MOK: variants seen among roughly 807,000 people sequenced by gnomAD.
MOK encodes MAPK/MAK/MRK overlapping kinase.
In MOK, 59 loss-of-function variants were observed where a neutral mutation model predicts 54.2. The observed-to-expected ratio is 1.09, with a 90% CI of 0.88 to 1.35. The LOEUF is 1.35. Among genes scored for constraint, MOK ranks in the 40% most tolerant of loss-of-function variants. The pLI, the probability that MOK is intolerant of heterozygous loss-of-function variation, is 0.00. For synonymous variants in MOK, 210 were observed against 202.7 expected, an observed-to-expected ratio of 1.04 and a Z score of -0.31; for missense variants, 517 against 526.2, an observed-to-expected ratio of 0.98 and a Z score of 0.17.
chr14:102,240,686 G>T lies in MOK; in HGVS notation c.591-6897C>A, dbSNP rs1183566671. On this transcript the variant is annotated intron_variant, in intron 7 of 11. Coordinates refer to ENST00000361847, the MANE Select transcript of MOK (RefSeq NM_014226.3). The surrounding 1 kb of genome is among the most constrained non-coding windows in gnomAD (Gnocchi z 5.4). ...CTGATTATTCACCCACACTCCATTGGTGTCTGATCACCGCGAGGATGCCTG... is the reference window on the plus strand; with the variant it reads ...CTGATTATTCACCCACACTCCATTGTTGTCTGATCACCGCGAGGATGCCTG... 1 of 151,950 alleles carries T rather than the reference G, an allele frequency of 6.6e-6. No homozygotes were observed. Among genetic ancestry groups the T allele is most frequent in the Non-Finnish European group, 1.5e-5 (1 of 67,974 alleles). 9.4% of individuals were successfully genotyped at this position (151,950 alleles called of 1,614,324 possible). A position where few individuals can be genotyped will look rare whatever the true frequency, so the allele number is the denominator to read the frequency against.
At chr14:102,265,574 T>A (rs1483317608) in intron 3 of MOK, among the ~76,000 whole-genome samples, 1 of 152,018 alleles carries the variant, frequency 6.6e-6, no homozygotes, top group Non-Finnish European at 1.5e-5. Context: ...GAGTTTGTTG[T>A]GAGCCAAGAT....
At chr14:102,290,802 A>C (rs1463011689) in intron 1 of MOK, among the ~76,000 whole-genome samples, 1 of 152,206 alleles carries the variant, frequency 6.6e-6, no homozygotes, top group African/African-American at 2.4e-5. Context: ...TACAGAGTTA[A>C]ATACGGCAAA....
At chr14:102,251,500 T>A in intron 6 of MOK, 1 of 564,646 alleles carries the variant, frequency 1.8e-6, no homozygotes, top group Non-Finnish European at 3.3e-6. Flanking sequence ...AACGGCCGTC[T>A]GAATAGGGTT....
rs1225258097 is a variant in MOK, at chr14:102,232,447, A to G, written c.866+88T>C. 1 of 1,437,170 alleles carries G rather than the reference A, an allele frequency of 7.0e-7. No homozygotes were observed. Among genetic ancestry groups the G allele is most frequent in the Non-Finnish European group, 9.4e-7 (1 of 1,059,746 alleles). 89.0% of individuals were successfully genotyped at this position (1,437,170 alleles called of 1,614,324 possible). A position where few individuals can be genotyped will look rare whatever the true frequency, so the allele number is the denominator to read the frequency against. On this transcript the variant is annotated intron_variant, in intron 9 of 11. Coordinates refer to ENST00000361847, the MANE Select transcript of MOK (RefSeq NM_014226.3). This position sits in a 1 kb window ranked among gnomAD's most constrained non-coding sequence, Gnocchi z 5.1. The stretch of plus-strand genomic sequence containing the variant: ...GATTCCCAAGAACCAGGGACCCTCC[A>G]GGGGGCAGTACCTTGCCCCACCATG...
Position 102,249,107 on chromosome 14 carries a change from C to T in MOK, c.590+1705G>A, listed in dbSNP as rs967970012. 1.3e-5 allele frequency among the ~76,000 whole-genome samples: 2 copies of T among 152,150 alleles called. No individual in the cohort carries two copies. Among genetic ancestry groups the T allele is most frequent in the Admixed American group, 6.5e-5 (1 of 15,274 alleles). On this transcript the variant is annotated intron_variant, in intron 7 of 11. Transcript: ENST00000361847. This position sits in a 1 kb window ranked among gnomAD's most constrained non-coding sequence, Gnocchi z 5.3. Reference sequence around the variant, plus strand: ...AGCCTGGCGTGTGCAGCGACCTTAGCTGCTGGGAGGCTCCACTCTCCCTTG... The same window carrying T: ...AGCCTGGCGTGTGCAGCGACCTTAGTTGCTGGGAGGCTCCACTCTCCCTTG...
At chr14:102,222,901 G>A (rs201857421), downstream of MOK, 486 of 1,613,952 alleles carry the variant, frequency 3.0e-4, 3 homozygotes, top group South Asian at 4.8e-3. This position sits in a 1 kb window ranked among gnomAD's most constrained non-coding sequence, Gnocchi z 4.4. Flanking sequence ...ACTGCTGCGC[G>A]CACAGTCTCC....
In MOK at chr14:102,305,001, C is replaced by A; in HGVS notation, c.-33G>T. Reference sequence around the variant, plus strand: ...GCGGAAGCCGGTGACAACCCCTTGCCGACACTGGACGGAAAAGAAAGAAGC... The same window carrying A: ...GCGGAAGCCGGTGACAACCCCTTGCAGACACTGGACGGAAAAGAAAGAAGC... On this transcript the variant is annotated 5_prime_UTR_variant, in exon 1 of 12. Coordinates refer to ENST00000361847, the MANE Select transcript of MOK (RefSeq NM_014226.3). The A allele has an allele frequency of 6.2e-7, 1 of 1,608,430 alleles. No individual in the cohort carries two copies. The highest frequency in any genetic ancestry group is 8.5e-7 in the Non-Finnish European group (1 of 1,177,724).
chr14:102,245,186 C>T lies in MOK; in HGVS notation c.590+5626G>A, dbSNP rs923194048. 2.6e-5 allele frequency among the ~76,000 whole-genome samples: 4 copies of T among 152,036 alleles called. No individual in the cohort carries two copies. Among genetic ancestry groups the T allele is most frequent in the Non-Finnish European group, 5.9e-5 (4 of 68,020 alleles). The stretch of plus-strand genomic sequence containing the variant: ...CAATCATTCTATATGACAAATGCTC[C>T]TTCTAAGAACCCCACAATACCACCC... On this transcript the variant is annotated intron_variant, in intron 7 of 11. Transcript: ENST00000361847. This position sits in a 1 kb window ranked among gnomAD's most constrained non-coding sequence, Gnocchi z 4.3.
At chr14:102,296,160 C>A (rs1050065064) in intron 1 of MOK, among the ~76,000 whole-genome samples, 15 of 151,018 alleles carry the variant, frequency 9.9e-5, no homozygotes, top group Admixed American at 2.7e-4. Flanking sequence ...GCAGGAGAAT[C>A]GCTTGAACCC....
chr14:102,221,637 G>A (rs946551289), downstream of MOK, among the ~76,000 whole-genome samples: 2 of 152,202 alleles, frequency 1.3e-5, no homozygotes, highest in Non-Finnish European at 2.9e-5. This position sits in a 1 kb window ranked among gnomAD's most constrained non-coding sequence, Gnocchi z 4.8. Flanking sequence ...GCTTGTCTAG[G>A]TGAACAGATT....
chr14:102,254,288 G>A (rs919566466), intron 4 of MOK, among the ~76,000 whole-genome samples: 3 of 152,052 alleles, frequency 2.0e-5, no homozygotes, highest in Non-Finnish European at 4.4e-5. Flanking sequence ...GCGCCTGGCC[G>A]CAATTAACTT....
chr14:102,265,425 A>C (rs2067813107), intron 3 of MOK, among the ~76,000 whole-genome samples: 1 of 152,188 alleles, frequency 6.6e-6, no homozygotes, highest in East Asian at 1.9e-4. Context: ...TGAGGTCAGG[A>C]GTTTGAAACC....
chr14:102,260,701 T>C (rs2067315481), intron 4 of MOK: 1 of 152,204 alleles, frequency 6.6e-6, no homozygotes, highest in Admixed American at 6.5e-5. Flanking sequence ...ATATAATGAA[T>C]GGAGGTCTAC....
intron 1 of MOK, among the ~76,000 whole-genome samples, chr14:102,292,547 T>C (rs1384543265): frequency 1.3e-5 from 2 of 152,050 alleles, no homozygotes; most frequent in African/African-American, 4.8e-5. Flanking sequence ...ACCAAATACA[T>C]GGTGCTCTGG....
intron 4 of MOK, among the ~76,000 whole-genome samples, chr14:102,257,486 T>C (rs1001235089): frequency 1.3e-5 from 2 of 152,132 alleles, no homozygotes; most frequent in African/African-American, 2.4e-5. Context: ...GAGTAACCCC[T>C]CTTGAGTTAA....
At position 102,231,941 on chromosome 14, in the gene MOK, G is replaced by A; in HGVS notation, c.867-120C>T. On this transcript the variant is annotated intron_variant, in intron 9 of 11. Transcript: ENST00000361847. This position sits in a 1 kb window ranked among gnomAD's most constrained non-coding sequence, Gnocchi z 4.4. ...GAGTTGTCACTAGCTCTTCTTTTCT[G>A]CCTGAGCTGTAATCAGGAGCCTTTT... 1.3e-6 allele frequency: 1 copy of A among 750,066 alleles called. No homozygotes were observed. The highest frequency in any genetic ancestry group is 2.1e-6 in the Non-Finnish European group (1 of 467,918). 46.5% of individuals were successfully genotyped at this position (750,066 alleles called of 1,614,324 possible). A position where few individuals can be genotyped will look rare whatever the true frequency, so the allele number is the denominator to read the frequency against.
At chr14:102,304,893 G>T in intron 1 of MOK, 69 bp downstream of exon 1, 3 of 1,518,092 alleles carry the variant, frequency 2.0e-6, no homozygotes, top group Non-Finnish European at 2.7e-6. Context: ...AGCTCCTCAA[G>T]CTCCCCCAGT....
the MOK span, chr14:102,215,085 G>A: frequency 2.6e-6 from 2 of 776,312 alleles, no homozygotes; most frequent in Non-Finnish European, 3.1e-6. Flanking sequence ...GTTTTTAAAT[G>A]CTGTAAAATT....
At chr14:102,297,095 C>G in intron 1 of MOK, among the ~76,000 whole-genome samples, 1 of 151,234 alleles carries the variant, frequency 6.6e-6, no homozygotes, top group East Asian at 2.0e-4. Flanking sequence ...CGGTGACTCA[C>G]GCCTGTAATA....
Sources: allele counts gnomAD v4.1 joint callset (sites outside exome capture counted in the v4.1 genomes callset), GRCh38; gene constraint gnomAD v4.1.1; non-coding constraint Gnocchi (gnomAD v3.1); transcripts MANE v1.5; gene names NCBI Gene and HGNC (gene_info 2026-07-23, HGNC 2026-07-21).